LYNX1: variants seen among roughly 807,000 people sequenced by gnomAD.
LYNX1 encodes ly-6/neurotoxin-like protein 1.
LYNX1 carries 8 observed loss-of-function variants against 8.3 expected under a neutral mutation model. That is an observed-to-expected ratio of 0.97 (90% CI 0.57 to 1.74). The LOEUF is 1.74. Among genes scored for constraint, LYNX1 ranks in the 40% most tolerant of loss-of-function variants. The pLI, the probability that LYNX1 is intolerant of heterozygous loss-of-function variation, is 0.00. For synonymous variants in LYNX1, 73 were observed against 67.9 expected (o/e 1.08, Z -0.37); for missense variants, 158 against 159.7 (o/e 0.99, Z 0.06).
At chr8:142,775,521 C>A in intron 3 of LYNX1, 72 bp downstream of exon 3, 1 of 1,553,264 alleles carries the variant, frequency 6.4e-7, no homozygotes, top group South Asian at 1.2e-5. Context: ...AGGACCCCCG[C>A]ATGCTCAGGG....
chr8:142,775,414 C>G, intron 3 of LYNX1, 51 bp from the exon 4 acceptor site: 2 of 1,597,382 alleles, frequency 1.3e-6, no homozygotes, highest in South Asian at 2.2e-5. Flanking sequence ...GGCAGGAGAC[C>G]CAGCTGGCCC....
In LYNX1 at chr8:142,774,395, G is replaced by T; in HGVS notation, c.*772C>A. ...CCAGAATAGCGCTGGCCGGGTCAGC[G>T]TCCAGGACCCACCAAATATAGCATG... is the stretch of plus-strand genomic sequence containing the variant. On this transcript the variant is annotated 3_prime_UTR_variant, in exon 4 of 4. Transcript: ENST00000652477. The T allele has an allele frequency of 1.0e-6, 1 of 985,824 alleles. No individual in the cohort carries two copies. 61.1% of individuals were successfully genotyped at this position (985,824 alleles called of 1,614,324 possible).
chr8:142,776,385 GAGA>G (rs1815427324), intron 1 of LYNX1: 1 of 251,910 alleles, frequency 4.0e-6, no homozygotes, highest in African/African-American at 2.2e-5. Context: ...GGCAGTGCTA[GAGA>G]AGGAGTAGGG....
At position 142,777,191 on chromosome 8, in the gene LYNX1, G is replaced by A. The variant is rs1325377452; in HGVS notation, c.-250C>T. ...GGTAGGTGCCTGCCTGAGTCTAATCGTAGGCGTGTCTGTGTGTCCCGCAGC... is the reference window on the plus strand; with the variant it reads ...GGTAGGTGCCTGCCTGAGTCTAATCATAGGCGTGTCTGTGTGTCCCGCAGC... On this transcript the variant is annotated 5_prime_UTR_variant, in exon 1 of 4. The change creates a new upstream start codon in the 5' untranslated region. Coordinates refer to ENST00000652477, the MANE Select transcript of LYNX1 (RefSeq NM_177477.4). 3 of 152,794 alleles carry A rather than the reference G, an allele frequency of 2.0e-5. No individual in the cohort carries two copies. The highest frequency in any genetic ancestry group is 4.4e-5 in the Non-Finnish European group (3 of 68,530). The allele number at this position is 152,794 out of a possible 1,614,324, so 9.5% of individuals were successfully genotyped here.
At chr8:142,775,771 C>A (rs193029110) in intron 2 of LYNX1, 77 bp from the exon 3 acceptor site, 1 of 1,538,108 alleles carries the variant, frequency 6.5e-7, no homozygotes, top group South Asian at 1.2e-5. Context: ...CATCAGGCCC[C>A]CAGCCCGTCA....
Position 142,775,284 on chromosome 8 carries a change from C to T in LYNX1, c.234G>A (p.Lys78=), listed in dbSNP as rs376629093. Residue 78 remains lysine (K), a synonymous_variant, in exon 4 of 4, where the codon AAG becomes AAA. Coordinates refer to ENST00000652477, the MANE Select transcript of LYNX1 (RefSeq NM_177477.4). ...GGCAGCAGGAGGTGGTGGACGCGTGCTTGGAGTAGCCATCATACACAGTCT... is the reference window on the plus strand; with the variant it reads ...GGCAGCAGGAGGTGGTGGACGCGTGTTTGGAGTAGCCATCATACACAGTCT... ...CFETVYDGYS[K]HASTTSCCQY... 1.4e-5 allele frequency: 23 copies of T among 1,613,878 alleles called. No homozygotes were observed. Among genetic ancestry groups the T allele is most frequent in the South Asian group, 4.4e-5 (4 of 91,090 alleles).
In LYNX1 at chr8:142,774,829, C is replaced by T. The variant is rs1815333912; in HGVS notation, c.*338G>A. ...ACTGAGGCAGGGGCCTCTCCTAGGG[C>T]TTCCCAGAAGGTGGGCTTGGCCACA... On this transcript the variant is annotated 3_prime_UTR_variant, in exon 4 of 4. Transcript: ENST00000652477. 1 of 1,188,414 alleles carries T rather than the reference C, an allele frequency of 8.4e-7. No homozygotes were observed. The highest frequency in any genetic ancestry group is 2.8e-5 in the South Asian group (1 of 35,898). 73.6% of individuals were successfully genotyped at this position (1,188,414 alleles called of 1,614,324 possible). A position where few individuals can be genotyped will look rare whatever the true frequency, so the allele number is the denominator to read the frequency against.
At chr8:142,775,418 C>T (rs1815372179) in intron 3 of LYNX1, 55 bp from the exon 4 acceptor site, 1 of 1,596,290 alleles carries the variant, frequency 6.3e-7, no homozygotes, top group Non-Finnish European at 8.5e-7. Flanking sequence ...GGAGACCCAG[C>T]TGGCCCCACC....
chr8:142,774,236 C>T lies in LYNX1; in HGVS notation c.*931G>A. 1.0e-6 allele frequency: 1 copy of T among 985,060 alleles called. No individual in the cohort carries two copies. The highest frequency in any genetic ancestry group is 1.2e-6 in the Non-Finnish European group (1 of 829,846). 61.0% of individuals were successfully genotyped at this position (985,060 alleles called of 1,614,324 possible). A position where few individuals can be genotyped will look rare whatever the true frequency, so the allele number is the denominator to read the frequency against. On this transcript the variant is annotated 3_prime_UTR_variant, in exon 4 of 4. Transcript: ENST00000652477. Reference sequence around the variant, plus strand: ...TTCCCACGCCCAGGCCCGCGCCGGCCCCAGGCTGCTCCCAACCCCCAGCCT... The same window carrying T: ...TTCCCACGCCCAGGCCCGCGCCGGCTCCAGGCTGCTCCCAACCCCCAGCCT...
chr8:142,775,542 A>G (rs758679276), intron 3 of LYNX1, 51 bp downstream of exon 3: 2 of 1,556,436 alleles, frequency 1.3e-6, no homozygotes, highest in Non-Finnish European at 1.7e-6. Context: ...GCAGGGCAGA[A>G]CCTCCCCTTC....
At position 142,775,065 on chromosome 8, in the gene LYNX1, A is replaced by G; in HGVS notation, c.*102T>C. The G allele has an allele frequency of 6.7e-7, 1 of 1,488,272 alleles. No homozygotes were observed. The highest frequency in any genetic ancestry group is 8.9e-7 in the Non-Finnish European group (1 of 1,120,856). The allele number at this position is 1,488,272 out of a possible 1,614,324, so 92.2% of individuals were successfully genotyped here. On this transcript the variant is annotated 3_prime_UTR_variant, in exon 4 of 4. Transcript: ENST00000652477. ...GTCCTGACCCTGGGCATGGCTGAGG[A>G]GGTCGCAGGGAGTGTGGAGGGTGAG... is the stretch of plus-strand genomic sequence containing the variant.
In LYNX1 at chr8:142,773,773, C is replaced by T; in HGVS notation, c.*1394G>A. 1 of 985,404 alleles carries T rather than the reference C, an allele frequency of 1.0e-6. No homozygotes were observed. Among genetic ancestry groups the T allele is most frequent in the Non-Finnish European group, 1.2e-6 (1 of 829,934 alleles). The allele number at this position is 985,404 out of a possible 1,614,324, so 61.0% of individuals were successfully genotyped here. A position where few individuals can be genotyped will look rare whatever the true frequency, so the allele number is the denominator to read the frequency against. ...GGCCATACTTTGGGGCCGGGACAAT[C>T]CTACCACATGGATATGTCACCATCC... On this transcript the variant is annotated 3_prime_UTR_variant, in exon 4 of 4. Coordinates refer to ENST00000652477, the MANE Select transcript of LYNX1 (RefSeq NM_177477.4).
In LYNX1 at chr8:142,776,074, G is replaced by T; in HGVS notation, c.-117C>A. 2 of 1,185,578 alleles carry T rather than the reference G, an allele frequency of 1.7e-6. No homozygotes were observed. The highest frequency in any genetic ancestry group is 1.3e-5 in the South Asian group (1 of 77,092). The allele number at this position is 1,185,578 out of a possible 1,614,324, so 73.4% of individuals were successfully genotyped here. A position where few individuals can be genotyped will look rare whatever the true frequency, so the allele number is the denominator to read the frequency against. On this transcript the variant is annotated 5_prime_UTR_variant, in exon 2 of 4. Coordinates refer to ENST00000652477, the MANE Select transcript of LYNX1 (RefSeq NM_177477.4). ...CAGGGTGGTGCGCAGAGGACGTGGG[G>T]CCGGCCCTGCCTCCCGGAGCTCCTG...
chr8:142,773,916 G>T lies in LYNX1; in HGVS notation c.*1251C>A, dbSNP rs62525626. ...ACCAAAAGGTCTCACGCCCCCGAATGCCCCATTCACAGCAGGGGCAGGTGC... is the reference window on the plus strand; with the variant it reads ...ACCAAAAGGTCTCACGCCCCCGAATTCCCCATTCACAGCAGGGGCAGGTGC... On this transcript the variant is annotated 3_prime_UTR_variant, in exon 4 of 4. Transcript: ENST00000652477. 25,074 of 985,378 alleles carry T rather than the reference G, an allele frequency of 0.025. 378 individuals are homozygous for T. The highest frequency in any genetic ancestry group is 0.044 in the Middle Eastern group (84 of 1,916). The allele number at this position is 985,378 out of a possible 1,614,324, so 61.0% of individuals were successfully genotyped here. A position where few individuals can be genotyped will look rare whatever the true frequency, so the allele number is the denominator to read the frequency against.
chr8:142,773,138 C>A lies in LYNX1; in HGVS notation c.*2029G>T. Reference sequence around the variant, plus strand: ...CAAGCCGCGCAGTGACTGCTCCCAGCCTCTCCCAAGGACTTAGGAGCCCAA... The same window carrying A: ...CAAGCCGCGCAGTGACTGCTCCCAGACTCTCCCAAGGACTTAGGAGCCCAA... On this transcript the variant is annotated 3_prime_UTR_variant, in exon 4 of 4. Coordinates refer to ENST00000652477, the MANE Select transcript of LYNX1 (RefSeq NM_177477.4). 3.0e-6 allele frequency: 3 copies of A among 985,582 alleles called. No individual in the cohort carries two copies. The highest frequency in any genetic ancestry group is 3.6e-6 in the Non-Finnish European group (3 of 830,018). The allele number at this position is 985,582 out of a possible 1,614,324, so 61.1% of individuals were successfully genotyped here. A position where few individuals can be genotyped will look rare whatever the true frequency, so the allele number is the denominator to read the frequency against.
At position 142,773,856 on chromosome 8, in the gene LYNX1, C is replaced by T; in HGVS notation, c.*1311G>A. On this transcript the variant is annotated 3_prime_UTR_variant, in exon 4 of 4. Coordinates refer to ENST00000652477, the MANE Select transcript of LYNX1 (RefSeq NM_177477.4). The stretch of plus-strand genomic sequence containing the variant: ...GGACACCAGAGCTGGGAGCACTGGT[C>T]AGGTGGGGGCCTCAGGTGCAGCGTG... The T allele has an allele frequency of 1.0e-6, 1 of 985,432 alleles. No homozygotes were observed. The highest frequency in any genetic ancestry group is 4.7e-5 in the South Asian group (1 of 21,288). The allele number at this position is 985,432 out of a possible 1,614,324, so 61.0% of individuals were successfully genotyped here.
At chr8:142,777,481 G>T (rs530888438), upstream of LYNX1, among the ~76,000 whole-genome samples, 2 of 125,100 alleles carry the variant, frequency 1.6e-5, no homozygotes, top group African/African-American at 6.6e-5. Flanking sequence ...GCCCCGCCCC[G>T]GACCCGCCTC....
At position 142,776,083 on chromosome 8, in the gene LYNX1, G is replaced by A. The variant is rs1815413534; in HGVS notation, c.-126C>T. ...GCGCAGAGGACGTGGGGCCGGCCCT[G>A]CCTCCCGGAGCTCCTGGTCTACTGG... is the stretch of plus-strand genomic sequence containing the variant. On this transcript the variant is annotated 5_prime_UTR_variant, in exon 2 of 4. Coordinates refer to ENST00000652477, the MANE Select transcript of LYNX1 (RefSeq NM_177477.4). 2.8e-6 allele frequency: 3 copies of A among 1,073,910 alleles called. No homozygotes were observed. The highest frequency in any genetic ancestry group is 1.6e-5 in the African/African-American group (1 of 63,998). The allele number at this position is 1,073,910 out of a possible 1,614,324, so 66.5% of individuals were successfully genotyped here.
rs769784395 is a variant in LYNX1 at position 142,775,381 on chromosome 8, G to A, written c.155-18C>T. 1.4e-5 allele frequency: 22 copies of A among 1,610,150 alleles called. No homozygotes were observed. The highest frequency in any genetic ancestry group is 1.0e-4 in the Admixed American group (6 of 59,940). On this transcript the variant is annotated intron_variant, in intron 3 of 3. Transcript: ENST00000652477. ...GGTGTAGTCTGCAGAGGGGCGGGGC[G>A]GTGAGCCAGCTCCGCTAAGAGGGGC...
Sources: allele counts gnomAD v4.1 joint callset (sites outside exome capture counted in the v4.1 genomes callset), GRCh38; gene constraint gnomAD v4.1.1; transcripts MANE v1.5; gene names NCBI Gene and HGNC (gene_info 2026-07-23, HGNC 2026-07-21).